The following TAFA4 variants were observed in gnomAD, a reference collection of about 807,000 sequenced individuals.
TAFA4 encodes the protein chemokine-like protein TAFA-4.
Under a neutral mutation model 21.1 loss-of-function variants are expected in TAFA4, and 20 were observed. That is an observed-to-expected ratio of 0.95 (90% CI 0.67 to 1.38). The LOEUF is 1.38. Among genes scored for constraint, TAFA4 ranks in the 40% most tolerant of loss-of-function variants. The pLI, the probability that TAFA4 is intolerant of heterozygous loss-of-function variation, is 0.00. For synonymous variants in TAFA4, 71 were observed against 67.4 expected, an observed-to-expected ratio of 1.05 and a Z score of -0.26; for missense variants, 211 against 180.9, an observed-to-expected ratio of 1.17 and a Z score of -0.95.
chr3:68,795,510 C>T (rs753349996), intron 3 of TAFA4, among the ~76,000 whole-genome samples: 1 of 152,110 alleles, frequency 6.6e-6, no homozygotes, highest in Non-Finnish European at 1.5e-5. Context: ...CCAAGCAAGA[C>T]CCCAGTTAGG....
chr3:68,736,044 T>C (rs527374430), intron 5 of TAFA4, among the ~76,000 whole-genome samples: 94 of 152,232 alleles, frequency 6.2e-4, no homozygotes, highest in African/African-American at 2.2e-3. Context: ...ACATAGCTTT[T>C]CACCCTTAGT....
chr3:68,828,732 C>A (rs140681958), intron 3 of TAFA4, among the ~76,000 whole-genome samples: 3,276 of 152,220 alleles, frequency 0.022, 125 homozygotes, highest in African/African-American at 0.076. Context: ...GATTTTGTAT[C>A]CTGAGACTCT....
At chr3:68,824,760 A>G (rs566412964) in intron 3 of TAFA4, among the ~76,000 whole-genome samples, 5 of 152,252 alleles carry the variant, frequency 3.3e-5, no homozygotes, top group African/African-American at 1.2e-4. Flanking sequence ...TGAAGCTCTG[A>G]CTTCAGAATT....
At chr3:68,888,014 C>T (rs938398325) in intron 1 of TAFA4, among the ~76,000 whole-genome samples, 2 of 152,096 alleles carry the variant, frequency 1.3e-5, no homozygotes, top group Non-Finnish European at 2.9e-5. Context: ...TCTGCTTCCC[C>T]TTTAATTGTA....
intron 1 of TAFA4, among the ~76,000 whole-genome samples, chr3:68,902,762 T>C (rs191539918): frequency 7.2e-5 from 11 of 152,296 alleles, no homozygotes; most frequent in Admixed American, 3.9e-4. Flanking sequence ...TTTTTGTACA[T>C]GGGTATGAGA....
At chr3:68,890,905 T>C (rs2089723860) in intron 1 of TAFA4, among the ~76,000 whole-genome samples, 1 of 152,184 alleles carries the variant, frequency 6.6e-6, no homozygotes, top group Middle Eastern at 3.2e-3. Flanking sequence ...CTATGATGGT[T>C]TACATTAATG....
At chr3:68,825,312 C>T (rs565565363) in intron 3 of TAFA4, among the ~76,000 whole-genome samples, 1 of 152,230 alleles carries the variant, frequency 6.6e-6, no homozygotes, top group Admixed American at 6.5e-5. Flanking sequence ...GATCTCAGTC[C>T]TTTTTATGCT....
chr3:68,840,548 G>T (rs1269722487), intron 3 of TAFA4, among the ~76,000 whole-genome samples: 1 of 152,158 alleles, frequency 6.6e-6, no homozygotes, highest in South Asian at 2.1e-4. Flanking sequence ...TCATTTTTAA[G>T]TAGTCTCCCT....
chr3:68,914,865 A>G (rs1296922915), intron 1 of TAFA4, among the ~76,000 whole-genome samples: 1 of 152,152 alleles, frequency 6.6e-6, no homozygotes, highest in Admixed American at 6.5e-5. Flanking sequence ...GGTTGGGGGA[A>G]AAAAAGAATA....
At chr3:68,908,384 G>C (rs989549511) in intron 1 of TAFA4, among the ~76,000 whole-genome samples, 2 of 152,086 alleles carry the variant, frequency 1.3e-5, no homozygotes, top group South Asian at 2.1e-4. Flanking sequence ...GGGAAGCCAC[G>C]AGGCTCTATC....
At chr3:68,767,747 T>G (rs1702882884) in intron 3 of TAFA4, among the ~76,000 whole-genome samples, 1 of 152,040 alleles carries the variant, frequency 6.6e-6, no homozygotes, top group African/African-American at 2.4e-5. Flanking sequence ...CATAGTATCT[T>G]ACATTCATAG....
chr3:68,920,415 G>C (rs2090047519), intron 1 of TAFA4, among the ~76,000 whole-genome samples: 2 of 152,084 alleles, frequency 1.3e-5, no homozygotes, highest in Admixed American at 1.3e-4. Flanking sequence ...TCCTATTTCT[G>C]TTGATTAGTT....
chr3:68,841,442 A>G (rs1169777064), intron 3 of TAFA4, among the ~76,000 whole-genome samples: 1 of 152,202 alleles, frequency 6.6e-6, no homozygotes, highest in Non-Finnish European at 1.5e-5. Flanking sequence ...CTTTCCTGAC[A>G]GGACAAGGCC....
At chr3:68,873,335 C>T (rs1257169737) in intron 3 of TAFA4, among the ~76,000 whole-genome samples, 1 of 109,502 alleles carries the variant, frequency 9.1e-6, no homozygotes, top group Non-Finnish European at 1.9e-5. Context: ...CACACGCAGA[C>T]ATACACACAC....
intron 3 of TAFA4, among the ~76,000 whole-genome samples, chr3:68,811,723 G>A (rs1309486563): frequency 2.0e-5 from 3 of 152,208 alleles, no homozygotes; most frequent in Admixed American, 6.5e-5. Flanking sequence ...GTGACGGGGA[G>A]AATGGAACCA....
intron 3 of TAFA4, among the ~76,000 whole-genome samples, chr3:68,786,298 C>A (rs759704573): frequency 3.9e-5 from 6 of 152,060 alleles, no homozygotes; most frequent in Non-Finnish European, 7.4e-5. Flanking sequence ...GGAGGAAACA[C>A]AAGAAAATAG....
intron 3 of TAFA4, among the ~76,000 whole-genome samples, chr3:68,767,143 T>G (rs1228744801): frequency 6.6e-6 from 1 of 152,164 alleles, no homozygotes. Flanking sequence ...AGTCTAAGAT[T>G]TTAGTGCACC....
chr3:68,805,154 G>C (rs1406565086), intron 3 of TAFA4, among the ~76,000 whole-genome samples: 10 of 152,134 alleles, frequency 6.6e-5, no homozygotes, highest in Non-Finnish European at 1.3e-4. Context: ...GATATGAACA[G>C]ACACTTCTCA....
At chr3:68,833,189 T>G (rs1391481010) in intron 3 of TAFA4, among the ~76,000 whole-genome samples, 1 of 152,184 alleles carries the variant, frequency 6.6e-6, no homozygotes, top group Admixed American at 6.5e-5. Context: ...CTGCTTAAGC[T>G]TGCCTTCTGT....
Sources: allele counts gnomAD v4.1 joint callset (sites outside exome capture counted in the v4.1 genomes callset), GRCh38; gene constraint gnomAD v4.1.1; transcripts MANE v1.5; gene names NCBI Gene and HGNC (gene_info 2026-07-23, HGNC 2026-07-21).